SEMA3C: variants seen among roughly 807,000 people sequenced by gnomAD.
SEMA3C encodes semaphorin 3C.
In SEMA3C, 47 loss-of-function variants were observed where a neutral mutation model predicts 89.4. That is an observed-to-expected ratio of 0.53 (90% CI 0.42 to 0.67). SEMA3C has a LOEUF of 0.67. Ranked by LOEUF, SEMA3C falls within the 30% of genes least tolerant of loss-of-function variation. The pLI, the probability that SEMA3C is intolerant of heterozygous loss-of-function variation, is 0.00. For synonymous variants in SEMA3C, 310 were observed against 320.2 expected, an observed-to-expected ratio of 0.97 and a Z score of 0.34; for missense variants, 839 against 929.1, an observed-to-expected ratio of 0.90 and a Z score of 1.26.
At chr7:80,805,294 A>G (rs1403921642) in intron 7 of SEMA3C, among the ~76,000 whole-genome samples, 2 of 152,140 alleles carry the variant, frequency 1.3e-5, no homozygotes, top group Admixed American at 6.6e-5. Flanking sequence ...ATACAAGCAG[A>G]TTAAATGAAG....
At chr7:80,800,658 TA>T in intron 10 of SEMA3C, 98 bp downstream of exon 10, 1 of 756,582 alleles carries the variant, frequency 1.3e-6, no homozygotes. Context: ...AAATGACATG[TA>T]AAATTAAAAG....
chr7:80,789,159 A>T (rs1225872236), intron 12 of SEMA3C, 147 bp downstream of exon 12: 7 of 604,958 alleles, frequency 1.2e-5, no homozygotes, highest in African/African-American at 3.7e-5. Context: ...AAACTGAGGC[A>T]AAAAGAGATT....
intron 2 of SEMA3C, among the ~76,000 whole-genome samples, chr7:80,865,360 C>A (rs546895664): frequency 1.3e-5 from 2 of 152,264 alleles, no homozygotes; most frequent in African/African-American, 2.4e-5. Context: ...CTCCATGACA[C>A]CCCTAAATGG....
At chr7:80,872,894 C>G (rs1226818896) in intron 2 of SEMA3C, among the ~76,000 whole-genome samples, 1 of 138,730 alleles carries the variant, frequency 7.2e-6, no homozygotes, top group Non-Finnish European at 1.5e-5. Flanking sequence ...TTTTGGAAAA[C>G]TCCACTATAC....
chr7:80,909,867 C>T (rs1226562998), intron 2 of SEMA3C, among the ~76,000 whole-genome samples: 1 of 152,036 alleles, frequency 6.6e-6, no homozygotes, highest in Non-Finnish European at 1.5e-5. Context: ...AATTGAGAGG[C>T]ACTTAAAATA....
At chr7:80,786,173 G>A (rs1388306575) in intron 12 of SEMA3C, among the ~76,000 whole-genome samples, 3 of 152,126 alleles carry the variant, frequency 2.0e-5, no homozygotes, top group Admixed American at 1.3e-4. Flanking sequence ...CCTAAATATT[G>A]TTTTTGAAAA....
At position 80,916,719 on chromosome 7, in the gene SEMA3C, T is replaced by C; in HGVS notation, c.63A>G (p.Gly21=). The part of the protein sequence containing the change: ...GVFICSICVK[G]SSQPQARVYL... ...AAACTCTTGCTTGGGGCTGGGAAGATCCTTTCACACAGATAGAACAAATAA... is the reference window on the plus strand; with the variant it reads ...AAACTCTTGCTTGGGGCTGGGAAGACCCTTTCACACAGATAGAACAAATAA... Residue 21 remains glycine, a synonymous_variant, in exon 2 of 18, where the codon GGA becomes GGG. Coordinates refer to ENST00000265361, the MANE Select transcript of SEMA3C (RefSeq NM_006379.5). 6.2e-7 allele frequency: 1 copy of C among 1,613,710 alleles called. No homozygotes were observed. The highest frequency in any genetic ancestry group is 8.5e-7 in the Non-Finnish European group (1 of 1,179,824).
chr7:80,910,637 A>T (rs2116235907), intron 2 of SEMA3C, among the ~76,000 whole-genome samples: 1 of 149,182 alleles, frequency 6.7e-6, no homozygotes, highest in South Asian at 2.1e-4. Flanking sequence ...TCACAGCTCT[A>T]TTTCCCAATG....
chr7:80,892,456 G>A (rs1386014202), intron 2 of SEMA3C, among the ~76,000 whole-genome samples: 1 of 151,954 alleles, frequency 6.6e-6, no homozygotes, highest in African/African-American at 2.4e-5. Flanking sequence ...TGATTAAGTT[G>A]TGTGTATATT....
chr7:80,795,897 A>G (rs1446441307), intron 11 of SEMA3C, among the ~76,000 whole-genome samples: 1 of 152,208 alleles, frequency 6.6e-6, no homozygotes, highest in African/African-American at 2.4e-5. Flanking sequence ...AATGTTCTTA[A>G]TTGAGAAGAG....
chr7:80,775,053 AT>A (rs1269148003), intron 12 of SEMA3C, among the ~76,000 whole-genome samples: 1 of 152,110 alleles, frequency 6.6e-6, no homozygotes, highest in African/African-American at 2.4e-5. Context: ...AGATAATGGA[AT>A]GGCATTTTTT....
chr7:80,866,567 G>A (rs182391625), intron 2 of SEMA3C, among the ~76,000 whole-genome samples: 9 of 152,048 alleles, frequency 5.9e-5, no homozygotes, highest in African/African-American at 2.2e-4. Flanking sequence ...CTGTAATGAC[G>A]GCTATGCATA....
At chr7:80,815,263 A>G (rs1338917808) in intron 5 of SEMA3C, among the ~76,000 whole-genome samples, 1 of 151,644 alleles carries the variant, frequency 6.6e-6, no homozygotes, top group Non-Finnish European at 1.5e-5. Context: ...TGAATGGTGG[A>G]ATTTAATGTC....
chr7:80,921,256 G>T (rs912028967), upstream of SEMA3C, among the ~76,000 whole-genome samples: 3 of 152,102 alleles, frequency 2.0e-5, no homozygotes, highest in African/African-American at 7.2e-5. Flanking sequence ...TCTTTTCAAT[G>T]TGCTCCTGGG....
In SEMA3C at chr7:80,744,146, C is replaced by T. The variant is rs1787744853; in HGVS notation, c.*748G>A. 7.9e-6 allele frequency: 1 copy of T among 127,104 alleles called. No homozygotes were observed. Among genetic ancestry groups the T allele is most frequent in the South Asian group, 2.6e-4 (1 of 3,814 alleles). 7.9% of individuals were successfully genotyped at this position (127,104 alleles called of 1,614,324 possible). A position where few individuals can be genotyped will look rare whatever the true frequency, so the allele number is the denominator to read the frequency against. ...CTTTGAGTCTAAAATAAATAACTTC[C>T]AAAAAAAGTAAGTGCTTTTGTTTGG... is the stretch of plus-strand genomic sequence containing the variant. On this transcript the variant is annotated 3_prime_UTR_variant, in exon 18 of 18. Coordinates refer to ENST00000265361, the MANE Select transcript of SEMA3C (RefSeq NM_006379.5).
chr7:80,922,146 G>A (rs73376616), upstream of SEMA3C: 19,935 of 667,148 alleles, frequency 0.03, 400 homozygotes, highest in African/African-American at 0.072. Context: ...TTCAATGAGA[G>A]AACGTTGAAG....
intron 2 of SEMA3C, among the ~76,000 whole-genome samples, chr7:80,885,253 G>T (rs116745389): frequency 0.011 from 1,722 of 152,208 alleles, 25 homozygotes; most frequent in African/African-American, 0.036. Context: ...TTGGAAGATA[G>T]CTCTTCTCTA....
At chr7:80,751,635 T>C (rs1787938616) in intron 15 of SEMA3C, among the ~76,000 whole-genome samples, 1 of 152,172 alleles carries the variant, frequency 6.6e-6, no homozygotes, top group African/African-American at 2.4e-5. Context: ...CCTTCTCTAA[T>C]TAATAGTGTA....
intron 2 of SEMA3C, among the ~76,000 whole-genome samples, chr7:80,889,137 A>G (rs1791551272): frequency 6.6e-6 from 1 of 152,230 alleles, no homozygotes; most frequent in African/African-American, 2.4e-5. Context: ...TGCCAGGACT[A>G]CAGGCGTAAG....
Sources: gnomAD v4.1 joint callset for allele counts (sites outside exome capture counted in the v4.1 genomes callset) on GRCh38, gnomAD v4.1.1 for gene constraint, MANE v1.5 for transcripts, NCBI Gene and HGNC (gene_info 2026-07-23, HGNC 2026-07-21) for gene names.